Variants in CTNNAL1 observed in about 807,000 individuals in gnomAD.
CTNNAL1 encodes the protein catenin alpha like 1, also known as alpha-catulin.
Under a neutral mutation model 93.6 loss-of-function variants are expected in CTNNAL1, and 69 were observed. That is an observed-to-expected ratio of 0.74 (90% confidence interval 0.61 to 0.90). CTNNAL1 has a LOEUF of 0.90. CTNNAL1 is among the 40% of genes least tolerant of loss of function. The probability of loss-of-function intolerance (pLI) is 0.00; values close to 1 mark genes in which losing one functional copy is unlikely to be tolerated. For missense variants in CTNNAL1, 836 were observed against 862.0 expected (o/e 0.97, Z 0.38); for synonymous variants, 286 against 305.4 (o/e 0.94, Z 0.66).
At chr9:109,007,702 A>T (rs1240233260) in intron 1 of CTNNAL1, among the ~76,000 whole-genome samples, 1 of 152,218 alleles carries the variant, frequency 6.6e-6, no homozygotes, top group Non-Finnish European at 1.5e-5. Context: ...AGTATATATA[A>T]CATATATGTG....
chr9:109,006,671 T>A (rs1392070796), intron 1 of CTNNAL1, among the ~76,000 whole-genome samples: 2 of 152,136 alleles, frequency 1.3e-5, no homozygotes, highest in Admixed American at 6.5e-5. Flanking sequence ...AGAAAAGGCA[T>A]CCCTTGGGGA....
At chr9:108,991,115 A>C (rs535664863) in intron 3 of CTNNAL1, among the ~76,000 whole-genome samples, 1 of 152,368 alleles carries the variant, frequency 6.6e-6, no homozygotes, top group African/African-American at 2.4e-5. Flanking sequence ...GACTACATAT[A>C]CAAAGGAAGG....
At chr9:108,952,533 G>A (rs779796675) in intron 12 of CTNNAL1, 39 bp from the exon 13 acceptor site, 1 of 1,610,530 alleles carries the variant, frequency 6.2e-7, no homozygotes, top group Non-Finnish European at 8.5e-7. Flanking sequence ...TTAAAAAGCA[G>A]TACATTAAAC....
chr9:108,957,781 T>A (rs896283334), intron 11 of CTNNAL1, among the ~76,000 whole-genome samples: 2 of 152,070 alleles, frequency 1.3e-5, no homozygotes, highest in Non-Finnish European at 2.9e-5. Flanking sequence ...GTCCATAATA[T>A]CCTTTAAAAA....
chr9:108,957,043 T>C (rs923727928), intron 11 of CTNNAL1, among the ~76,000 whole-genome samples: 2 of 151,720 alleles, frequency 1.3e-5, no homozygotes, highest in African/African-American at 2.4e-5. Flanking sequence ...TTACATGGTA[T>C]TTTGGATATT....
In CTNNAL1 at chr9:109,013,295, A is replaced by G. The variant is rs546044573; in HGVS notation, c.141+7T>C. On this transcript the variant is annotated splice_region_variant and intron_variant, in intron 1 of 18. Transcript: ENST00000325551. The stretch of plus-strand genomic sequence containing the variant: ...GAGAAGAGGGGCCGCGCCAGGCGCC[A>G]CTTTACCTGAGAAACCAGCGGGAGT... The G allele has an allele frequency of 4.7e-6, 7 of 1,492,542 alleles. No homozygotes were observed. In the East Asian group the frequency reaches 1.7e-4, roughly 37 times the overall value. The allele number at this position is 1,492,542 out of a possible 1,614,324, so 92.5% of individuals were successfully genotyped here. A position where few individuals can be genotyped will look rare whatever the true frequency, so the allele number is the denominator to read the frequency against.
intron 3 of CTNNAL1, chr9:108,991,987 C>G (rs762169862): frequency 1.4e-6 from 1 of 728,610 alleles, no homozygotes. Flanking sequence ...TTTAGGGACT[C>G]TGAGTACAGA....
intron 15 of CTNNAL1, 40 bp downstream of exon 15, chr9:108,948,146 C>G: frequency 6.2e-7 from 1 of 1,603,590 alleles, no homozygotes; most frequent in Non-Finnish European, 8.5e-7. Flanking sequence ...ACTTTTAGCC[C>G]GAAATTAAAG....
At chr9:108,984,117 C>G (rs556286762) in intron 5 of CTNNAL1, among the ~76,000 whole-genome samples, 112 of 152,272 alleles carry the variant, frequency 7.4e-4, no homozygotes, top group African/African-American at 2.5e-3. Flanking sequence ...CCTAATACAC[C>G]ATGTTCTGCT....
intron 6 of CTNNAL1, 53 bp from the exon 7 acceptor site, chr9:108,979,534 A>G: frequency 6.5e-7 from 1 of 1,549,494 alleles, no homozygotes; most frequent in Non-Finnish European, 8.8e-7. Flanking sequence ...TTCCCACCTG[A>G]CCAAAATGGG....
At chr9:108,989,914 G>T (rs1379430610) in intron 4 of CTNNAL1, among the ~76,000 whole-genome samples, 1 of 152,142 alleles carries the variant, frequency 6.6e-6, no homozygotes, top group Non-Finnish European at 1.5e-5. Flanking sequence ...AGCTGGGCGT[G>T]GTGGTGCATG....
At chr9:109,003,351 C>G (rs1477712057) in intron 1 of CTNNAL1, among the ~76,000 whole-genome samples, 10 of 152,192 alleles carry the variant, frequency 6.6e-5, no homozygotes, top group Non-Finnish European at 2.9e-5. Context: ...TTGGCAGAAA[C>G]ACTATCAGCT....
intron 1 of CTNNAL1, 83 bp downstream of exon 1, chr9:109,013,219 T>G (rs966345057): frequency 7.3e-7 from 1 of 1,378,708 alleles, no homozygotes; most frequent in Non-Finnish European, 9.4e-7. Context: ...AGCGGCTGCC[T>G]CCCGTCCGGT....
In CTNNAL1 at chr9:109,005,418, C is replaced by T. The variant is rs139485990; in HGVS notation, c.142-6162G>A. ...CTCCACAAATCCTTATGTTAAAATCCTAACCCCCAATGTGATGGTATTAGG... is the reference window on the plus strand; with the variant it reads ...CTCCACAAATCCTTATGTTAAAATCTTAACCCCCAATGTGATGGTATTAGG... On this transcript the variant is annotated intron_variant, in intron 1 of 18. Coordinates refer to ENST00000325551, the MANE Select transcript of CTNNAL1 (RefSeq NM_003798.4). Among the ~76,000 whole-genome samples, 386 of 152,238 alleles carry T rather than the reference C, an allele frequency of 2.5e-3. 4 individuals are homozygous for T. The highest frequency in any genetic ancestry group is 8.6e-3 in the African/African-American group (358 of 41,524).
At chr9:109,002,954 T>C (rs1826895968) in intron 1 of CTNNAL1, among the ~76,000 whole-genome samples, 1 of 151,980 alleles carries the variant, frequency 6.6e-6, no homozygotes, top group Non-Finnish European at 1.5e-5. Flanking sequence ...GATCGTGCCA[T>C]TGCACTCCAG....
At position 108,993,742 on chromosome 9, in the gene CTNNAL1, A is replaced by G. The variant is rs576529324; in HGVS notation, c.332-923T>C. On this transcript the variant is annotated intron_variant, in intron 2 of 18. Transcript: ENST00000325551. ...AAAATAATAAACCTTTAACCAACTTATAGTGTTCAAGATCATTTTTTAAAG... is the reference window on the plus strand; with the variant it reads ...AAAATAATAAACCTTTAACCAACTTGTAGTGTTCAAGATCATTTTTTAAAG... Among the ~76,000 whole-genome samples the G allele has an allele frequency of 2.0e-5, 3 of 152,324 alleles. No individual in the cohort carries two copies. The East Asian group carries it at 5.8e-4, about 29-fold the overall frequency.
chr9:108,965,482 A>G lies in CTNNAL1; in HGVS notation c.1487T>C (p.Ile496Thr). 6.3e-7 allele frequency: 1 copy of G among 1,593,758 alleles called. No homozygotes were observed. The highest frequency in any genetic ancestry group is 2.3e-5 in the East Asian group (1 of 43,700). ...AAATACATCTAGGTTTTCTTTAGCA[A>G]TTTTACTAGATGGATGCAATGTCAA... ...ETLTLHPSSKIAKENLDVFCE... is the reference protein window; with the variant it reads ...ETLTLHPSSKTAKENLDVFCE... Residue 496 changes from isoleucine to threonine, a missense_variant, in exon 11 of 19, where the codon ATT becomes ACT. Transcript: ENST00000325551.
rs1041447415 is a variant in CTNNAL1, at chr9:108,998,812, A to G, written c.331+255T>C. 5.3e-5 allele frequency among the ~76,000 whole-genome samples: 8 copies of G among 152,188 alleles called. No homozygotes were observed. In the South Asian group the frequency reaches 8.3e-4, roughly 16 times the overall value. On this transcript the variant is annotated intron_variant, in intron 2 of 18. Coordinates refer to ENST00000325551, the MANE Select transcript of CTNNAL1 (RefSeq NM_003798.4). ...TAGAGGCCACAGCTCCCACTTCTCT[A>G]TCTCTCTCACATCTCAATGGCTGAT...
chr9:108,998,033 C>T (rs1832086669), intron 2 of CTNNAL1, among the ~76,000 whole-genome samples: 1 of 152,214 alleles, frequency 6.6e-6, no homozygotes, highest in Admixed American at 6.5e-5. Flanking sequence ...TCCAAAATTC[C>T]CCCAAGTATC....
Sources: allele counts gnomAD v4.1 joint callset (sites outside exome capture counted in the v4.1 genomes callset), GRCh38; gene constraint gnomAD v4.1.1; transcripts MANE v1.5; gene names NCBI Gene and HGNC (gene_info 2026-07-23, HGNC 2026-07-21).